Variants in ZNF534 observed in about 807,000 individuals in gnomAD.
The protein encoded by ZNF534 is zinc finger protein 534, also known as KRAB domain only 3.
ZNF534 carries 19 observed loss-of-function variants against 13.6 expected under a neutral mutation model. The ratio of observed to expected loss-of-function variants is 1.40; its 90% CI spans 0.97 to 2.05. The LOEUF (loss-of-function observed/expected upper bound fraction) is 2.05, where lower values mean the gene tolerates loss of function less well. ZNF534 is among the 30% of genes most tolerant of loss of function. The pLI is 0.00. For synonymous variants in ZNF534, 244 were observed against 273.8 expected (o/e 0.89, Z 1.07); for missense variants, 782 against 796.3 (o/e 0.98, Z 0.22).
At chr19:52,445,930 C>A (rs1403671846), downstream of ZNF534, among the ~76,000 whole-genome samples, 1 of 152,094 alleles carries the variant, frequency 6.6e-6, no homozygotes, top group Non-Finnish European at 1.5e-5. Context: ...CTCTGAAAAA[C>A]ACAGGGAATA....
At chr19:52,432,071 T>A (rs1056282941) in intron 2 of ZNF534, among the ~76,000 whole-genome samples, 10 of 151,686 alleles carry the variant, frequency 6.6e-5, no homozygotes, top group East Asian at 5.8e-4. Flanking sequence ...ATATATATAT[T>A]TTTATCAGTT....
At chr19:52,431,304 G>A (rs1381998301) in intron 1 of ZNF534, 104 bp from the exon 2 acceptor site, 7 of 832,814 alleles carry the variant, frequency 8.4e-6, no homozygotes, top group East Asian at 5.4e-5. Context: ...AGGCAGCAGA[G>A]GACCATCCTT....
intron 2 of ZNF534, among the ~76,000 whole-genome samples, chr19:52,431,894 C>A (rs1355223409): frequency 6.6e-6 from 1 of 150,562 alleles, no homozygotes; most frequent in Non-Finnish European, 1.5e-5. Context: ...CGCACTGTTG[C>A]CCAGGCTGGA....
chr19:52,447,418 A>C (rs1467577438), downstream of ZNF534, among the ~76,000 whole-genome samples: 2 of 152,230 alleles, frequency 1.3e-5, no homozygotes, highest in Non-Finnish European at 2.9e-5. Flanking sequence ...AAGAGTGGAC[A>C]TACTTGTTTC....
intron 4 of ZNF534, among the ~76,000 whole-genome samples, chr19:52,436,564 C>T (rs1190235371): frequency 6.6e-6 from 1 of 152,088 alleles, no homozygotes; most frequent in African/African-American, 2.4e-5. Flanking sequence ...TATGAACCTC[C>T]AATAGTTTGT....
intron 2 of ZNF534, 36 bp downstream of exon 2, chr19:52,431,525 G>C (rs73588013): frequency 0.098 from 157,731 of 1,606,668 alleles, 10,275 homozygotes; most frequent in African/African-American, 0.32. Flanking sequence ...TTCTGTCTCT[G>C]TTTCTTCCTG....
At chr19:52,443,634 C>T (rs2059184275), downstream of ZNF534, among the ~76,000 whole-genome samples, 1 of 151,994 alleles carries the variant, frequency 6.6e-6, no homozygotes, top group Non-Finnish European at 1.5e-5. Context: ...CCTATAGCCC[C>T]AGCTACTCAG....
intron 1 of ZNF534, among the ~76,000 whole-genome samples, chr19:52,430,855 T>TC (rs1555745670): frequency 6.7e-6 from 1 of 149,412 alleles, no homozygotes; most frequent in African/African-American, 2.5e-5. Flanking sequence ...CTTTTTTTTT[T>TC]CTTTTTCTTT....
chr19:52,440,778 CA>C lies in ZNF534; in HGVS notation c.*1346del, dbSNP rs58012543. Among the ~76,000 whole-genome samples, 118,789 of 137,668 alleles carry C rather than the reference CA, an allele frequency of 0.86. 51,069 individuals are homozygous for C. Among genetic ancestry groups the C allele is most frequent in the Non-Finnish European group, 0.92 (58,242 of 63,172 alleles). The allele number at this position is 137,668 out of a possible 152,430, so 90.3% of individuals were successfully genotyped here. On this transcript the variant is annotated 3_prime_UTR_variant, in exon 5 of 5. Coordinates refer to ENST00000433050, the MANE Select transcript of ZNF534 (RefSeq NM_001143938.3). ...CCTGTGTGACAGTGAGATTCTGTCT[CA>C]AAAAAAAAAAAAAGAATTCATACTG...
chr19:52,449,671 G>A (rs2059206237), intron 4 of ZNF534, among the ~76,000 whole-genome samples: 1 of 152,052 alleles, frequency 6.6e-6, no homozygotes, highest in Non-Finnish European at 1.5e-5. Context: ...TCGTTTGTAT[G>A]TCTCCTTTTG....
At chr19:52,434,237 T>G in intron 3 of ZNF534, 156 bp downstream of exon 3, 1 of 1,105,584 alleles carries the variant, frequency 9.0e-7, no homozygotes, top group Non-Finnish European at 1.3e-6. Context: ...GGCTCACGCC[T>G]GTAATCCCAG....
intron 4 of ZNF534, among the ~76,000 whole-genome samples, chr19:52,450,409 A>G (rs149598465): frequency 2.9e-3 from 447 of 152,230 alleles, no homozygotes; most frequent in African/African-American, 0.01. Flanking sequence ...TTCCAGCACC[A>G]TTTATTGAAG....
At chr19:52,451,403 G>C (rs1028240106) in exon 5 of ZNF534, 21 of 764,312 alleles carry the variant, frequency 2.7e-5, no homozygotes, top group Admixed American at 1.0e-4. Context: ...GGGACTCTCA[G>C]GGCCGGGCCC....
intron 2 of ZNF534, among the ~76,000 whole-genome samples, chr19:52,432,219 G>A (rs2059092522): frequency 6.6e-6 from 1 of 152,024 alleles, no homozygotes; most frequent in Admixed American, 6.6e-5. Flanking sequence ...GTATTATGGG[G>A]ATATCGATTA....
chr19:52,450,331 G>C (rs2059208728), intron 4 of ZNF534, among the ~76,000 whole-genome samples: 1 of 152,038 alleles, frequency 6.6e-6, no homozygotes, highest in South Asian at 2.1e-4. Context: ...AAACCATTCT[G>C]ATTTTATTTT....
exon 5 of ZNF534, chr19:52,451,311 C>T: frequency 8.8e-7 from 1 of 1,140,408 alleles, no homozygotes; most frequent in African/African-American, 1.5e-5. Context: ...CCTCGCCCCT[C>T]GCTCTGCTAC....
chr19:52,435,528 C>T (rs893712075), intron 4 of ZNF534, among the ~76,000 whole-genome samples: 7 of 151,908 alleles, frequency 4.6e-5, no homozygotes, highest in Non-Finnish European at 1.0e-4. Context: ...TTTGAGATAG[C>T]GTCTCTCTCC....
In ZNF534 at chr19:52,437,897, C is replaced by A. The variant is rs550154980; in HGVS notation, c.437C>A (p.Ser146Ter). 1.2e-6 allele frequency: 2 copies of A among 1,613,372 alleles called. No homozygotes were observed. The highest frequency in any genetic ancestry group is 2.7e-5 in the African/African-American group (2 of 75,038). Residue 146 changes from serine (S) to a stop codon, truncating the protein, a stop_gained, in exon 5 of 5, where the codon TCA becomes TAA. Transcript: ENST00000433050. LOFTEE classifies it low-confidence loss of function (END_TRUNC). ...TCTATCAGTGACAATTCTTCAGTTT[C>A]ACCAGTTCAAATAAGTTTTTTCAGT... The part of the protein sequence containing the change: ...EKSISDNSSV[S>*]PVQISFFSVK...
At position 52,431,463 on chromosome 19, in the gene ZNF534, AG is replaced by A; in HGVS notation, c.-10del. 2 of 1,614,074 alleles carry A rather than the reference AG, an allele frequency of 1.2e-6. No individual in the cohort carries two copies. Among genetic ancestry groups the A allele is most frequent in the Non-Finnish European group, 1.7e-6 (2 of 1,179,958 alleles). ...GGAAGCAACTCGGAAGAGGAAAGAA[AG>A]GAAGTCAGGAATGGCCCTTACTCAG... is the stretch of plus-strand genomic sequence containing the variant. On this transcript the variant is annotated 5_prime_UTR_variant, in exon 2 of 5. Coordinates refer to ENST00000433050, the MANE Select transcript of ZNF534 (RefSeq NM_001143938.3).
Sources: gnomAD v4.1 joint callset for allele counts (sites outside exome capture counted in the v4.1 genomes callset) on GRCh38, gnomAD v4.1.1 for gene constraint, MANE v1.5 for transcripts, NCBI Gene and HGNC (gene_info 2026-07-23, HGNC 2026-07-21) for gene names.